Variants in TRIM75 observed in about 807,000 individuals in gnomAD.
The protein encoded by TRIM75 is tripartite motif containing 75.
the TRIM75 span, chr4:165,060,388 G>A: frequency 2.6e-6 from 2 of 780,892 alleles, no homozygotes; most frequent in Non-Finnish European, 4.8e-6. Context: ...AGGGCCATTG[G>A]CATTTTCCTG....
the TRIM75 span, chr4:165,059,460 A>G: frequency 1.3e-6 from 1 of 780,904 alleles, no homozygotes; most frequent in South Asian, 1.3e-5. Flanking sequence ...CCAGCCCCTG[A>G]GCGTTTTCTG....
the TRIM75 span, among the ~76,000 whole-genome samples, chr4:165,056,528 C>A: frequency 1.3e-5 from 2 of 150,714 alleles, no homozygotes; most frequent in African/African-American, 4.9e-5. Flanking sequence ...TTTCCGAAAC[C>A]TTTCTGGGCA....
chr4:165,059,377 T>C, the TRIM75 span: 5 of 780,438 alleles, frequency 6.4e-6, no homozygotes, highest in African/African-American at 8.5e-5. Context: ...ATGATTGAAA[T>C]TGCCAAGCTA....
At chr4:165,055,424 A>G in the TRIM75 span, among the ~76,000 whole-genome samples, 5 of 151,640 alleles carry the variant, frequency 3.3e-5, no homozygotes, top group Non-Finnish European at 7.4e-5. Flanking sequence ...AGCTGGGATT[A>G]CAGGCATGTA....
chr4:165,056,602 C>CTCT, the TRIM75 span, among the ~76,000 whole-genome samples: 1 of 69,962 alleles, frequency 1.4e-5, no homozygotes, highest in African/African-American at 4.4e-5. Flanking sequence ...GTCTCTGTCT[C>CTCT]TTTTTTTTTT....
the TRIM75 span, among the ~76,000 whole-genome samples, chr4:165,056,309 T>C: frequency 6.6e-6 from 1 of 151,402 alleles, no homozygotes; most frequent in African/African-American, 2.4e-5. Context: ...TTTTTTTTTT[T>C]AAAGAAGTGA....
At chr4:165,054,329 G>T in the TRIM75 span, among the ~76,000 whole-genome samples, 1 of 148,994 alleles carries the variant, frequency 6.7e-6, no homozygotes, top group African/African-American at 2.5e-5. Context: ...GAGTGCAGTG[G>T]CTATCTTGAC....
the TRIM75 span, among the ~76,000 whole-genome samples, chr4:165,058,019 G>A: frequency 5.3e-5 from 8 of 151,866 alleles, no homozygotes; most frequent in South Asian, 8.3e-4. Context: ...AAATATTTTC[G>A]CAAATTTTGT....
At chr4:165,055,111 G>C in the TRIM75 span, among the ~76,000 whole-genome samples, 1 of 151,784 alleles carries the variant, frequency 6.6e-6, no homozygotes, top group South Asian at 2.1e-4. Flanking sequence ...GTTAATAAGG[G>C]AACACCAGGA....
the TRIM75 span, among the ~76,000 whole-genome samples, chr4:165,055,582 G>A: frequency 4.1e-5 from 6 of 146,644 alleles, no homozygotes; most frequent in South Asian, 8.8e-4. Flanking sequence ...TGTGCCCGGC[G>A]ATAACTACAT....
chr4:165,055,333 GGA>G, the TRIM75 span, among the ~76,000 whole-genome samples: 475 of 147,096 alleles, frequency 3.2e-3, 3 homozygotes, highest in African/African-American at 0.011. Context: ...TGCCCAGGCT[GGA>G]GTGCAGTGGC....
the TRIM75 span, among the ~76,000 whole-genome samples, chr4:165,057,637 G>A: frequency 1.3e-5 from 2 of 151,980 alleles, no homozygotes; most frequent in Non-Finnish European, 2.9e-5. Context: ...GGGTTCAAGC[G>A]ATTCTCATGT....
the TRIM75 span, chr4:165,059,485 T>C: frequency 1.3e-6 from 1 of 780,920 alleles, no homozygotes; most frequent in Non-Finnish European, 2.4e-6. Flanking sequence ...GAGGACCTGA[T>C]GGTGTTGTGT....
At chr4:165,058,784 A>ATCT in the TRIM75 span, among the ~76,000 whole-genome samples, 1 of 151,784 alleles carries the variant, frequency 6.6e-6, no homozygotes, top group African/African-American at 2.4e-5. Context: ...AGAAAGAAAT[A>ATCT]TCTTCTCACC....
chr4:165,060,135 A>G, the TRIM75 span: 7 of 780,972 alleles, frequency 9.0e-6, no homozygotes, highest in Non-Finnish European at 1.7e-5. Flanking sequence ...TGGTTTCCCA[A>G]AAAGATTTAC....
the TRIM75 span, among the ~76,000 whole-genome samples, chr4:165,056,602 C>CTTTTTTTTTTT: frequency 1.0e-4 from 7 of 69,994 alleles, no homozygotes; most frequent in Non-Finnish European, 2.1e-4. Flanking sequence ...GTCTCTGTCT[C>CTTTTTTTTTTT]TTTTTTTTTT....
chr4:165,060,364 T>TA, the TRIM75 span: 3 of 780,814 alleles, frequency 3.8e-6, no homozygotes, highest in Admixed American at 5.1e-5. Flanking sequence ...CCTCTGTTGT[T>TA]AGAGGTGAAA....
chr4:165,056,598 G>C, the TRIM75 span, among the ~76,000 whole-genome samples: 1 of 108,514 alleles, frequency 9.2e-6, no homozygotes. Flanking sequence ...CTCTGTCTCT[G>C]TCTCTTTTTT....
the TRIM75 span, among the ~76,000 whole-genome samples, chr4:165,055,959 A>G: frequency 1.5e-5 from 2 of 136,628 alleles, no homozygotes; most frequent in African/African-American, 2.8e-5. Flanking sequence ...TGTATTGCTC[A>G]GGCTGGAATG....
Sources: allele counts gnomAD v4.1 joint callset (sites outside exome capture counted in the v4.1 genomes callset), GRCh38; gene constraint gnomAD v4.1.1; transcripts MANE v1.5; gene names NCBI Gene and HGNC (gene_info 2026-07-23, HGNC 2026-07-21).